Variants in TMEM132C observed in about 807,000 individuals in gnomAD.
The protein encoded by TMEM132C is protein phosphatase 1, regulatory subunit 152.
In TMEM132C, 29 loss-of-function variants were observed where a neutral mutation model predicts 61.4. The ratio of observed to expected loss-of-function variants is 0.47; its 90% CI spans 0.35 to 0.64. The LOEUF (loss-of-function observed/expected upper bound fraction) is 0.64. Ranked by LOEUF, TMEM132C falls within the 30% of genes least tolerant of loss-of-function variation. The pLI is 0.00. For missense variants in TMEM132C, 1,408 were observed against 1,476.9 expected, an observed-to-expected ratio of 0.95 and a Z score of 0.76; for synonymous variants, 656 against 633.1, an observed-to-expected ratio of 1.04 and a Z score of -0.54.
chr12:128,535,230 A>G (rs1163005797), intron 2 of TMEM132C, among the ~76,000 whole-genome samples: 2 of 152,236 alleles, frequency 1.3e-5, no homozygotes, highest in Non-Finnish European at 2.9e-5. Context: ...TGTGCAAAAT[A>G]GACAAATGGG....
intron 5 of TMEM132C, among the ~76,000 whole-genome samples, chr12:128,686,178 G>A (rs924875348): frequency 2.0e-5 from 3 of 152,108 alleles, no homozygotes; most frequent in South Asian, 4.1e-4. Context: ...GGTAGTGTTG[G>A]CGGCACTGGG....
chr12:128,638,944 A>G (rs1219541846), intron 4 of TMEM132C, among the ~76,000 whole-genome samples: 1 of 58,700 alleles, frequency 1.7e-5, no homozygotes, highest in African/African-American at 5.8e-5. Context: ...GGTGATGGTG[A>G]TGATGGTGGT....
At chr12:128,581,934 T>G (rs964392310) in intron 3 of TMEM132C, among the ~76,000 whole-genome samples, 1 of 152,132 alleles carries the variant, frequency 6.6e-6, no homozygotes, top group East Asian at 1.9e-4. Flanking sequence ...GCCAAACAAG[T>G]GGCTTCAGCT....
At chr12:128,435,983 G>GTTT (rs1869575268) in intron 2 of TMEM132C, among the ~76,000 whole-genome samples, 1 of 152,180 alleles carries the variant, frequency 6.6e-6, no homozygotes, top group African/African-American at 2.4e-5. Context: ...AGAGGCCTCA[G>GTTT]AAATAACACC....
At chr12:128,551,419 A>G (rs1357415942) in intron 3 of TMEM132C, among the ~76,000 whole-genome samples, 2 of 152,096 alleles carry the variant, frequency 1.3e-5, no homozygotes, top group East Asian at 1.9e-4. Flanking sequence ...CCTGCTCCAT[A>G]CACACACCAG....
chr12:128,406,230 C>T (rs535371959), intron 1 of TMEM132C, among the ~76,000 whole-genome samples: 3 of 152,310 alleles, frequency 2.0e-5, no homozygotes, highest in Middle Eastern at 6.8e-3. Context: ...CCTCATTGTA[C>T]ACCTTACTGC....
rs181151061 is a variant in TMEM132C at position 128,707,490 on chromosome 12, A to C, written c.*1195A>C. Reference sequence around the variant, plus strand: ...AGCATAAACTCTAAAGATAAAATCTATGTTAGATTGTCAATCAACTGTGTT... The same window carrying C: ...AGCATAAACTCTAAAGATAAAATCTCTGTTAGATTGTCAATCAACTGTGTT... On this transcript the variant is annotated 3_prime_UTR_variant, in exon 9 of 9. Transcript: ENST00000435159. The C allele has an allele frequency of 5.4e-4, 83 of 152,370 alleles. No homozygotes were observed. Among genetic ancestry groups the C allele is most frequent in the African/African-American group, 1.9e-3 (79 of 41,594 alleles). The allele number at this position is 152,370 out of a possible 1,614,324, so 9.4% of individuals were successfully genotyped here. A position where few individuals can be genotyped will look rare whatever the true frequency, so the allele number is the denominator to read the frequency against.
intron 2 of TMEM132C, among the ~76,000 whole-genome samples, chr12:128,452,993 T>C (rs909847585): frequency 1.4e-4 from 22 of 152,196 alleles, no homozygotes; most frequent in African/African-American, 4.8e-4. Context: ...AATGGTAGTA[T>C]ATGGATATAG....
chr12:128,624,312 G>A lies in TMEM132C; in HGVS notation c.1305+7977G>A, dbSNP rs140770512. Among the ~76,000 whole-genome samples, 589 of 152,194 alleles carry A rather than the reference G, an allele frequency of 3.9e-3. 11 individuals carry two copies. Among genetic ancestry groups the A allele is most frequent in the African/African-American group, 0.013 (560 of 41,532 alleles). ...TGTAATCCCAGCACTTTGGGAGCCC[G>A]AGGCGAGTGGACCACAAGGTCAGGA... On this transcript the variant is annotated intron_variant, in intron 4 of 8. Coordinates refer to ENST00000435159, the MANE Select transcript of TMEM132C (RefSeq NM_001136103.3).
At chr12:128,319,367 G>GAC (rs1555217151) in intron 1 of TMEM132C, among the ~76,000 whole-genome samples, 1 of 149,576 alleles carries the variant, frequency 6.7e-6, no homozygotes, top group African/African-American at 2.4e-5. Flanking sequence ...GAGAGAGAGA[G>GAC]AGAGACAGAG....
intron 1 of TMEM132C, among the ~76,000 whole-genome samples, chr12:128,302,784 A>T (rs1226823832): frequency 6.6e-6 from 1 of 152,262 alleles, no homozygotes; most frequent in Non-Finnish European, 1.5e-5. Flanking sequence ...GAAATGATTT[A>T]TATAAATTGA....
chr12:128,419,026 C>A lies in TMEM132C; in HGVS notation c.974+3406C>A, dbSNP rs549672668. Among the ~76,000 whole-genome samples the A allele has an allele frequency of 3.3e-5, 5 of 152,146 alleles. No homozygotes were observed. The East Asian group carries it at 7.7e-4, about 23-fold the overall frequency. On this transcript the variant is annotated intron_variant, in intron 2 of 8. Coordinates refer to ENST00000435159, the MANE Select transcript of TMEM132C (RefSeq NM_001136103.3). ...CAATGTGCAAGTATCCAACCATGACCATTTGCCAGGCATTGTTCTACAGCA... is the reference window on the plus strand; with the variant it reads ...CAATGTGCAAGTATCCAACCATGACAATTTGCCAGGCATTGTTCTACAGCA...
intron 3 of TMEM132C, among the ~76,000 whole-genome samples, chr12:128,563,777 T>C (rs369897062): frequency 1.3e-5 from 2 of 152,334 alleles, no homozygotes; most frequent in East Asian, 3.9e-4. Context: ...GCTTGACGCT[T>C]AGCAAATCCT....
chr12:128,561,782 C>T (rs1011821581), intron 3 of TMEM132C, among the ~76,000 whole-genome samples: 4 of 150,528 alleles, frequency 2.7e-5, no homozygotes, highest in South Asian at 2.1e-4. Flanking sequence ...ATTTCAAAAA[C>T]GTAATTTTTT....
chr12:128,673,764 C>T (rs1954557532), intron 5 of TMEM132C, among the ~76,000 whole-genome samples: 1 of 152,216 alleles, frequency 6.6e-6, no homozygotes, highest in Non-Finnish European at 1.5e-5. Flanking sequence ...ACTCAGTCTC[C>T]TTCTTAGTAA....
chr12:128,292,467 C>T (rs1398900200), intron 1 of TMEM132C, among the ~76,000 whole-genome samples: 4 of 152,018 alleles, frequency 2.6e-5, no homozygotes, highest in African/African-American at 7.2e-5. Context: ...GTAAGCTCCT[C>T]GTGGGCATAG....
intron 4 of TMEM132C, among the ~76,000 whole-genome samples, chr12:128,622,966 C>T (rs1041523282): frequency 7.2e-5 from 11 of 152,060 alleles, no homozygotes; most frequent in African/African-American, 2.7e-4. Flanking sequence ...ACTATATGGA[C>T]AGAATAAGTA....
At chr12:128,509,322 G>A (rs187603773) in intron 2 of TMEM132C, among the ~76,000 whole-genome samples, 49 of 152,074 alleles carry the variant, frequency 3.2e-4, no homozygotes, top group African/African-American at 6.5e-4. Flanking sequence ...AGGAGGAAAG[G>A]AAAGAAAAAG....
At chr12:128,469,403 C>A (rs1219907151) in intron 2 of TMEM132C, among the ~76,000 whole-genome samples, 1 of 150,584 alleles carries the variant, frequency 6.6e-6, no homozygotes, top group Admixed American at 6.6e-5. Context: ...GCAGCCTCGA[C>A]CTCCTGGGTT....
Sources: gnomAD v4.1 joint callset for allele counts (sites outside exome capture counted in the v4.1 genomes callset) on GRCh38, gnomAD v4.1.1 for gene constraint, MANE v1.5 for transcripts, NCBI Gene and HGNC (gene_info 2026-07-23, HGNC 2026-07-21) for gene names.